Variants in RNF32 observed in about 807,000 individuals in gnomAD.
RNF32 encodes the protein ring finger protein 32.
RNF32 carries 36 observed loss-of-function variants against 41.0 expected under a neutral mutation model. The observed-to-expected ratio is 0.88, with a 90% CI of 0.67 to 1.16. RNF32 has a LOEUF of 1.16. Among genes scored for constraint, RNF32 ranks in the 50% most tolerant of loss-of-function variants. The probability of loss-of-function intolerance (pLI) is 0.00; values close to 1 mark genes in which losing one functional copy is unlikely to be tolerated. For missense variants in RNF32, 413 were observed against 436.7 expected (o/e 0.95, Z 0.48); for synonymous variants, 154 against 160.9 (o/e 0.96, Z 0.32).
At chr7:156,663,650 A>G (rs1800952872) in intron 7 of RNF32, among the ~76,000 whole-genome samples, 1 of 152,238 alleles carries the variant, frequency 6.6e-6, no homozygotes, top group Non-Finnish European at 1.5e-5. Context: ...TTTAAAAGAC[A>G]GATTGATGAG....
chr7:156,662,405 A>C (rs748542537), intron 7 of RNF32, among the ~76,000 whole-genome samples: 2 of 152,202 alleles, frequency 1.3e-5, no homozygotes, highest in African/African-American at 2.4e-5. Flanking sequence ...TGTGATGGTT[A>C]ATTTATGTGT....
chr7:156,662,125 G>A (rs1414443352), intron 7 of RNF32, among the ~76,000 whole-genome samples: 1 of 152,124 alleles, frequency 6.6e-6, no homozygotes, highest in Non-Finnish European at 1.5e-5. Flanking sequence ...TAGGTAGTAG[G>A]TGCCTATATG....
chr7:156,640,952 C>T, intron 1 of RNF32, 141 bp downstream of exon 1: 1 of 177,482 alleles, frequency 5.6e-6, no homozygotes, highest in South Asian at 1.0e-4. Context: ...AGCTGTGAGG[C>T]GAGGTCGGGT....
chr7:156,656,700 A>G (rs779190478), intron 4 of RNF32, among the ~76,000 whole-genome samples: 3 of 152,252 alleles, frequency 2.0e-5, no homozygotes, highest in Non-Finnish European at 4.4e-5. Context: ...CTCACCCAGG[A>G]GTGCCCCAGA....
At chr7:156,673,204 T>C (rs1460646282) in intron 7 of RNF32, among the ~76,000 whole-genome samples, 1 of 152,248 alleles carries the variant, frequency 6.6e-6, no homozygotes, top group Non-Finnish European at 1.5e-5. Context: ...TGGACTAGAA[T>C]GTGACCCTTT....
intron 7 of RNF32, among the ~76,000 whole-genome samples, chr7:156,672,975 G>T (rs537887667): frequency 1.5e-3 from 227 of 152,350 alleles, no homozygotes; most frequent in Non-Finnish European, 2.7e-3. Flanking sequence ...CTCACCCCGC[G>T]GACTGTGGCC....
At chr7:156,668,385 G>A (rs1253499050) in intron 7 of RNF32, among the ~76,000 whole-genome samples, 1 of 152,210 alleles carries the variant, frequency 6.6e-6, no homozygotes, top group East Asian at 1.9e-4. Context: ...GATTCACACA[G>A]GAAAGGAAGG....
intron 1 of RNF32, among the ~76,000 whole-genome samples, chr7:156,642,504 G>A (rs1563063521): frequency 6.6e-6 from 1 of 152,222 alleles, no homozygotes; most frequent in East Asian, 1.9e-4. Flanking sequence ...TTCTCAGCCC[G>A]CTGGGCCTTT....
At position 156,655,241 on chromosome 7, in the gene RNF32, A is replaced by G. The variant is rs754644771; in HGVS notation, c.417+523A>G. Among the ~76,000 whole-genome samples the G allele has an allele frequency of 6.7e-4, 79 of 118,416 alleles. 1 individual carries two copies. The highest frequency in any genetic ancestry group is 1.2e-3 in the East Asian group (4 of 3,396). The allele number at this position is 118,416 out of a possible 152,430, so 77.7% of individuals were successfully genotyped here. A position where few individuals can be genotyped will look rare whatever the true frequency, so the allele number is the denominator to read the frequency against. On this transcript the variant is annotated intron_variant, in intron 4 of 8. Coordinates refer to ENST00000317955, the MANE Select transcript of RNF32 (RefSeq NM_030936.4). ...TAACAGATAATATACACGCGCGCGCACACACACACACACACACACACAGAG... is the reference window on the plus strand; with the variant it reads ...TAACAGATAATATACACGCGCGCGCGCACACACACACACACACACACAGAG...
chr7:156,657,810 T>A, intron 5 of RNF32: 1 of 602,266 alleles, frequency 1.7e-6, no homozygotes, highest in South Asian at 2.0e-5. Flanking sequence ...CAGTAATGCA[T>A]GTCAAAGTGA....
At chr7:156,651,916 C>A (rs1341231727) in intron 3 of RNF32, among the ~76,000 whole-genome samples, 1 of 152,324 alleles carries the variant, frequency 6.6e-6, no homozygotes, top group African/African-American at 2.4e-5. Flanking sequence ...CCTCCCCCGG[C>A]CCCTCCCCGG....
At position 156,675,705 on chromosome 7, in the gene RNF32, A is replaced by G. The variant is rs1417247477; in HGVS notation, c.694A>G (p.Ile232Val). The G allele has an allele frequency of 6.2e-7, 1 of 1,612,960 alleles. No individual in the cohort carries two copies. The highest frequency in any genetic ancestry group is 1.3e-5 in the African/African-American group (1 of 74,888). ...KKFFEKKFTE[I>V]SHRILCSYNT... ...CCCGCCTCCTCCTCAGTTCACAGAA[A>G]TCAGCCACCGCATCCTGTGCTCATA... The change falls in exon 8 of 9, where the codon ATC becomes GTC. Residue 232 changes from isoleucine to valine, a missense_variant. By Grantham distance (29) the Ile-to-Val change is conservative. Coordinates refer to ENST00000317955, the MANE Select transcript of RNF32 (RefSeq NM_030936.4).
At chr7:156,674,282 G>T (rs1234725913) in intron 7 of RNF32, among the ~76,000 whole-genome samples, 1 of 152,202 alleles carries the variant, frequency 6.6e-6, no homozygotes, top group Admixed American at 6.5e-5. Context: ...AGAACACCCA[G>T]AAGAGACATG....
In RNF32 at chr7:156,658,558, C is replaced by G. The variant is rs915443973; in HGVS notation, c.672C>G (p.Phe224Leu). 6.2e-7 allele frequency: 1 copy of G among 1,608,552 alleles called. No individual in the cohort carries two copies. Among genetic ancestry groups the G allele is most frequent in the Non-Finnish European group, 8.5e-7 (1 of 1,175,554 alleles). The change falls in exon 7 of 9, where the codon TTC (phenylalanine) becomes TTG (leucine). Residue 224 changes from phenylalanine to leucine, a missense_variant. Transcript: ENST00000317955. ...CAGATGCCAAGTTAAGAAAAAAATT[C>G]TTTGAAAAAAAGGTAGGTAAAGATC... ...PPTDAKLRKK[F>L]FEKKFTEISH...
chr7:156,651,758 TCA>T (rs1436834237), intron 3 of RNF32, among the ~76,000 whole-genome samples: 3 of 152,246 alleles, frequency 2.0e-5, no homozygotes, highest in Non-Finnish European at 2.9e-5. Flanking sequence ...AAGTTCTGTC[TCA>T]TTTTTTCACA....
At position 156,676,825 on chromosome 7, in the gene RNF32, T is replaced by G. The variant is rs1458609238; in HGVS notation, c.*170T>G. 1.7e-6 allele frequency: 1 copy of G among 592,012 alleles called. No individual in the cohort carries two copies. The highest frequency in any genetic ancestry group is 3.0e-6 in the Non-Finnish European group (1 of 336,644). 36.7% of individuals were successfully genotyped at this position (592,012 alleles called of 1,614,324 possible). A position where few individuals can be genotyped will look rare whatever the true frequency, so the allele number is the denominator to read the frequency against. Reference sequence around the variant, plus strand: ...ATATTTTAAAAGCTGACATCCCACCTAATTTTAATCTTTGGTCTCTAAAAA... The same window carrying G: ...ATATTTTAAAAGCTGACATCCCACCGAATTTTAATCTTTGGTCTCTAAAAA... On this transcript the variant is annotated 3_prime_UTR_variant, in exon 9 of 9. Transcript: ENST00000317955.
In RNF32 at chr7:156,662,135, G is replaced by T. The variant is rs1800752572; in HGVS notation, c.684+3565G>T. 2.0e-5 allele frequency among the ~76,000 whole-genome samples: 3 copies of T among 152,160 alleles called. No homozygotes were observed. In the South Asian group the frequency reaches 6.2e-4, roughly 32 times the overall value. On this transcript the variant is annotated intron_variant, in intron 7 of 8. Transcript: ENST00000317955. ...AGCAGTAGGTAGTAGGTGCCTATAT[G>T]GGTCCATGCCCTATGTGCTTGTATG... is the stretch of plus-strand genomic sequence containing the variant.
intron 3 of RNF32, among the ~76,000 whole-genome samples, chr7:156,650,394 A>T (rs1798561514): frequency 6.6e-6 from 1 of 152,192 alleles, no homozygotes; most frequent in Admixed American, 6.5e-5. Context: ...CTTCCACGAC[A>T]TGCTTAGATC....
chr7:156,659,839 G>A (rs1585056208), intron 7 of RNF32: 1 of 912,002 alleles, frequency 1.1e-6, no homozygotes, highest in East Asian at 1.2e-4. Flanking sequence ...GTGTTCAAAT[G>A]CTGCAGCCTT....
Sources: allele counts gnomAD v4.1 joint callset (sites outside exome capture counted in the v4.1 genomes callset), GRCh38; gene constraint gnomAD v4.1.1; transcripts MANE v1.5; gene names NCBI Gene and HGNC (gene_info 2026-07-23, HGNC 2026-07-21).